Variants in VTI1A observed in about 807,000 individuals in gnomAD.
VTI1A encodes vesicle transport through interaction with t-SNAREs 1A, also known as vesicle transport through interaction with t-SNAREs homolog 1A.
In VTI1A, 22 loss-of-function variants were observed where a neutral mutation model predicts 34.9. The ratio of observed to expected loss-of-function variants is 0.63; its 90% confidence interval spans 0.45 to 0.90. The LOEUF (loss-of-function observed/expected upper bound fraction) is 0.90. Ranked by LOEUF, VTI1A falls within the 40% of genes least tolerant of loss-of-function variation. The pLI, the probability that VTI1A is intolerant of heterozygous loss-of-function variation, is 0.00. For missense variants in VTI1A, 268 were observed against 275.6 expected, an observed-to-expected ratio of 0.97 and a Z score of 0.20; for synonymous variants, 87 against 97.3, an observed-to-expected ratio of 0.89 and a Z score of 0.62.
At position 112,818,270 on chromosome 10, in the gene VTI1A, T is replaced by C. The variant is rs1853580318; in HGVS notation, c.*2887T>C. 1 of 232,978 alleles carries C rather than the reference T, an allele frequency of 4.3e-6. No homozygotes were observed. The highest frequency in any genetic ancestry group is 1.8e-4 in the South Asian group (1 of 5,538). The allele number at this position is 232,978 out of a possible 1,614,324, so 14.4% of individuals were successfully genotyped here. A position where few individuals can be genotyped will look rare whatever the true frequency, so the allele number is the denominator to read the frequency against. On this transcript the variant is annotated 3_prime_UTR_variant, in exon 8 of 8. Transcript: ENST00000393077. ...GGGGCAAGCCCATTGAGGGTTATCA[T>C]TAAGTAAAGAAATAAAGAGGGGGAA...
rs148004973 is a variant in VTI1A at position 112,731,505 on chromosome 10, G to A, written c.560+62507G>A. Among the ~76,000 whole-genome samples, 897 of 151,884 alleles carry A rather than the reference G, an allele frequency of 5.9e-3. 3 individuals are homozygous for A. Among genetic ancestry groups the A allele is most frequent in the Non-Finnish European group, 7.9e-3 (539 of 67,972 alleles). On this transcript the variant is annotated intron_variant, in intron 7 of 7. Transcript: ENST00000393077. Reference sequence around the variant, plus strand: ...CAGGAGAATCGCTTGAACCTGGAAGGTGGAGGTTGCAGTGAGCCGAGATCG... The same window carrying A: ...CAGGAGAATCGCTTGAACCTGGAAGATGGAGGTTGCAGTGAGCCGAGATCG...
chr10:112,456,418 T>A, intron 1 of VTI1A, among the ~76,000 whole-genome samples: 2 of 58,660 alleles, frequency 3.4e-5, no homozygotes, highest in African/African-American at 6.6e-5. Flanking sequence ...TGAGAGTCCA[T>A]CTCAAAAAAA....
chr10:112,455,157 T>C (rs1388369932), intron 1 of VTI1A, among the ~76,000 whole-genome samples: 1 of 29,380 alleles, frequency 3.4e-5, no homozygotes, highest in African/African-American at 1.4e-4. Context: ...TCCCTCCCCT[T>C]CCCTCCTCCC....
intron 7 of VTI1A, among the ~76,000 whole-genome samples, chr10:112,673,352 G>A (rs1228252112): frequency 6.6e-6 from 1 of 151,094 alleles, no homozygotes; most frequent in East Asian, 1.9e-4. Context: ...AAGAAAAGAA[G>A]GAATGGCATA....
intron 5 of VTI1A, among the ~76,000 whole-genome samples, chr10:112,574,624 A>G (rs1852263372): frequency 6.6e-6 from 1 of 152,188 alleles, no homozygotes; most frequent in Non-Finnish European, 1.5e-5. Flanking sequence ...GCTTAATAAG[A>G]CCTTGCTAAA....
chr10:112,850,245 G>A, the VTI1A span, among the ~76,000 whole-genome samples: 48 of 152,078 alleles, frequency 3.2e-4, no homozygotes, highest in African/African-American at 1.0e-3. Flanking sequence ...CCAGGTCAGC[G>A]GGTCACCTGG....
chr10:112,586,325 A>G (rs1844156301), intron 5 of VTI1A, among the ~76,000 whole-genome samples: 2 of 152,124 alleles, frequency 1.3e-5, no homozygotes, highest in African/African-American at 4.8e-5. Flanking sequence ...ATAAGAACTA[A>G]CCTTCTTTGG....
At chr10:112,607,089 C>G (rs958563682) in intron 5 of VTI1A, among the ~76,000 whole-genome samples, 1 of 151,978 alleles carries the variant, frequency 6.6e-6, no homozygotes, top group Admixed American at 6.5e-5. Context: ...GAGTTCGAGA[C>G]CAGCCTGGCC....
At chr10:112,564,024 G>T (rs1851818282) in intron 5 of VTI1A, among the ~76,000 whole-genome samples, 1 of 151,848 alleles carries the variant, frequency 6.6e-6, no homozygotes, top group African/African-American at 2.4e-5. Flanking sequence ...AAAACCTAAG[G>T]TGATTAAAAT....
chr10:112,579,449 C>T (rs1261234740), intron 5 of VTI1A, among the ~76,000 whole-genome samples: 1 of 152,094 alleles, frequency 6.6e-6, no homozygotes, highest in Non-Finnish European at 1.5e-5. Flanking sequence ...CACCTGTAAT[C>T]GCAGCACTTT....
At chr10:112,836,540 A>G in the VTI1A span, among the ~76,000 whole-genome samples, 2 of 152,124 alleles carry the variant, frequency 1.3e-5, no homozygotes, top group Non-Finnish European at 2.9e-5. Flanking sequence ...CTCATAGCAA[A>G]TTTCCCTCCG....
the VTI1A span, chr10:112,832,344 GTTAGTGGGCTC>G: frequency 6.6e-6 from 1 of 151,288 alleles, no homozygotes; most frequent in South Asian, 2.1e-4. Flanking sequence ...GGCCAGGGCT[GTTAGTGGGCTC>G]TTAGTTAGGC....
intron 5 of VTI1A, among the ~76,000 whole-genome samples, chr10:112,547,764 T>C (rs1851187237): frequency 1.3e-5 from 2 of 152,206 alleles, no homozygotes; most frequent in Non-Finnish European, 2.9e-5. Flanking sequence ...GAGTATTTTT[T>C]CTTTTAGAAA....
the VTI1A span, among the ~76,000 whole-genome samples, chr10:112,835,649 T>C: frequency 6.6e-6 from 1 of 152,120 alleles, no homozygotes; most frequent in South Asian, 2.1e-4. Flanking sequence ...TAAGGTTTCT[T>C]TGTTATTATC....
intron 5 of VTI1A, among the ~76,000 whole-genome samples, chr10:112,656,945 C>G (rs985639929): frequency 6.6e-6 from 1 of 151,992 alleles, no homozygotes; most frequent in East Asian, 1.9e-4. Context: ...AGTTAGTTAT[C>G]GCGACATCAG....
At chr10:112,569,434 CTAAAGA>C (rs1170589214) in intron 5 of VTI1A, among the ~76,000 whole-genome samples, 1 of 152,100 alleles carries the variant, frequency 6.6e-6, no homozygotes, top group Admixed American at 6.5e-5. Flanking sequence ...TTATCACATG[CTAAAGA>C]TAAAGTGTTT....
intron 7 of VTI1A, among the ~76,000 whole-genome samples, chr10:112,714,807 A>G (rs1849546868): frequency 6.6e-6 from 1 of 152,250 alleles, no homozygotes; most frequent in South Asian, 2.1e-4. Flanking sequence ...TGAAAAATCC[A>G]CCATTATATT....
At chr10:112,737,699 C>CA (rs1850541598) in intron 7 of VTI1A, 1 of 1,057,244 alleles carries the variant, frequency 9.5e-7, no homozygotes, top group African/African-American at 1.7e-5. Flanking sequence ...CTGTCAAGGT[C>CA]ACTGAGACCT....
intron 1 of VTI1A, among the ~76,000 whole-genome samples, chr10:112,456,075 A>G (rs1847513702): frequency 6.6e-6 from 1 of 152,108 alleles, no homozygotes; most frequent in Admixed American, 6.5e-5. Context: ...GAGTTTGGAC[A>G]CGATTTGTCA....
Sources: gnomAD v4.1 joint callset for allele counts (sites outside exome capture counted in the v4.1 genomes callset) on GRCh38, gnomAD v4.1.1 for gene constraint, MANE v1.5 for transcripts, NCBI Gene and HGNC (gene_info 2026-07-23, HGNC 2026-07-21) for gene names.